Variants in ADAMTS9 observed in about 807,000 individuals in gnomAD.
The protein encoded by ADAMTS9 is A disintegrin and metalloproteinase with thrombospondin motifs 9.
In ADAMTS9, 107 loss-of-function variants were observed where a neutral mutation model predicts 257.1. The ratio of observed to expected loss-of-function variants is 0.42; its 90% confidence interval spans 0.36 to 0.49. The LOEUF (loss-of-function observed/expected upper bound fraction) is 0.49, where lower values mean the gene tolerates loss of function less well. Ranked by LOEUF, ADAMTS9 falls within the 20% of genes least tolerant of loss-of-function variation. ADAMTS9 has a pLI of 0.03. For synonymous variants in ADAMTS9, 982 were observed against 880.9 expected, an observed-to-expected ratio of 1.11 and a Z score of -2.03; for missense variants, 2,353 against 2,469.1, an observed-to-expected ratio of 0.95 and a Z score of 1.00.
chr3:64,524,671 C>T (rs4688473), intron 38 of ADAMTS9, among the ~76,000 whole-genome samples: 102,728 of 152,108 alleles, frequency 0.68, 39,179 homozygotes, highest in Non-Finnish European at 0.86. Context: ...TCTCTCTTGA[C>T]ATACAAATAT....
chr3:64,622,392 G>A (rs527951204), intron 17 of ADAMTS9, 28 bp downstream of exon 17: 22 of 1,613,032 alleles, frequency 1.4e-5, no homozygotes, highest in Non-Finnish European at 1.7e-5. Context: ...AGAAGAAAAG[G>A]GTGGTGGGCT....
intron 3 of ADAMTS9, among the ~76,000 whole-genome samples, chr3:64,677,246 C>A (rs760048006): frequency 6.6e-6 from 1 of 152,090 alleles, no homozygotes; most frequent in Admixed American, 6.5e-5. Context: ...GGAGAGAAGA[C>A]ACCCCACTTC....
At chr3:64,559,756 G>A (rs986977245) in intron 30 of ADAMTS9, among the ~76,000 whole-genome samples, 1 of 152,224 alleles carries the variant, frequency 6.6e-6, no homozygotes, top group African/African-American at 2.4e-5. Flanking sequence ...TCCATTCTTC[G>A]GGATGCAAAA....
At chr3:64,603,860 A>T in intron 25 of ADAMTS9, 62 bp downstream of exon 25, 3 of 1,547,356 alleles carry the variant, frequency 1.9e-6, no homozygotes, top group Non-Finnish European at 2.6e-6. Context: ...CCCTCCGCTG[A>T]CTCCTCATAG....
Position 64,648,020 on chromosome 3 carries a change from T to C in ADAMTS9, c.1630A>G (p.Asn544Asp). ...CCTTTGTGTACTCCATTGACGTTATTGCACCAGAGCCGTCTGCACTGCATC... is the reference window on the plus strand; with the variant it reads ...CCTTTGTGTACTCCATTGACGTTATCGCACCAGAGCCGTCTGCACTGCATC... The part of the protein sequence containing the change: ...YMMQCRRLWC[N>D]NVNGVHKGCR... The change falls in exon 11 of 40, where the codon AAT becomes GAT. Residue 544 changes from asparagine to aspartate, a missense_variant. This residue lies in a region of ADAMTS9 where 360 missense variants were observed against 458.1 expected (regional missense o/e 0.79). Coordinates refer to ENST00000498707, the MANE Select transcript of ADAMTS9 (RefSeq NM_182920.2). 10 of 1,613,232 alleles carry C rather than the reference T, an allele frequency of 6.2e-6. No individual in the cohort carries two copies. Among genetic ancestry groups the C allele is most frequent in the Non-Finnish European group, 8.5e-6 (10 of 1,179,936 alleles).
In ADAMTS9 at chr3:64,641,734, C is replaced by T. The variant is rs984674941; in HGVS notation, c.1856+114G>A. 75 of 1,387,154 alleles carry T rather than the reference C, an allele frequency of 5.4e-5. 1 individual carries two copies. The African/African-American group carries it at 6.9e-4, about 13-fold the overall frequency. 85.9% of individuals were successfully genotyped at this position (1,387,154 alleles called of 1,614,324 possible). Reference sequence around the variant, plus strand: ...GGGTCTAAGCAGCCCTTGAAGTTTACGTTCTTTCTAGCTCTCTAAGTTGGA... The same window carrying T: ...GGGTCTAAGCAGCCCTTGAAGTTTATGTTCTTTCTAGCTCTCTAAGTTGGA... On this transcript the variant is annotated intron_variant, in intron 12 of 39. Transcript: ENST00000498707.
At chr3:64,541,060 C>A in intron 36 of ADAMTS9, 35 bp downstream of exon 36, 7 of 1,611,280 alleles carry the variant, frequency 4.3e-6, no homozygotes, top group Non-Finnish European at 5.9e-6. Context: ...GAGAGAAGAA[C>A]GCACACGTTC....
At chr3:64,650,845 G>A in intron 9 of ADAMTS9, 172 bp downstream of exon 9, 1 of 625,948 alleles carries the variant, frequency 1.6e-6, no homozygotes. Flanking sequence ...TCAAGGATAT[G>A]AACTACACAG....
Position 64,596,942 on chromosome 3 carries a change from T to C in ADAMTS9, c.4067A>G (p.Gln1356Arg), listed in dbSNP as rs1277673854. The change falls in exon 27 of 40, where the codon CAG (glutamine) becomes CGG (arginine). Residue 1356 changes from glutamine to arginine, a missense_variant. Physicochemically the swap from Gln to Arg is conservative, Grantham distance 43. Transcript: ENST00000498707. The part of the protein sequence containing the change: ...GGSQRRVVVC[Q>R]DENGYTANDC... ...GTTTGCGGTGTATCCATTTTCATCCTGACATACAACAACACGCCGCTGGGA... is the reference window on the plus strand; with the variant it reads ...GTTTGCGGTGTATCCATTTTCATCCCGACATACAACAACACGCCGCTGGGA... 3 of 1,612,592 alleles carry C rather than the reference T, an allele frequency of 1.9e-6. No homozygotes were observed. The highest frequency in any genetic ancestry group is 2.7e-5 in the African/African-American group (2 of 74,770).
chr3:64,578,531 C>T (rs2083915002), intron 28 of ADAMTS9, among the ~76,000 whole-genome samples: 1 of 152,084 alleles, frequency 6.6e-6, no homozygotes, highest in Admixed American at 6.6e-5. Flanking sequence ...GACAGTCAGA[C>T]CTGGTCTGAC....
intron 26 of ADAMTS9, among the ~76,000 whole-genome samples, chr3:64,599,695 C>T (rs188534487): frequency 6.6e-6 from 1 of 152,206 alleles, no homozygotes; most frequent in African/African-American, 2.4e-5. Context: ...GACAGAAACT[C>T]TCTAAAGAAA....
chr3:64,590,715 A>G (rs1252393616), intron 28 of ADAMTS9, among the ~76,000 whole-genome samples: 6 of 152,338 alleles, frequency 3.9e-5, no homozygotes, highest in Admixed American at 3.9e-4. Context: ...GGCAGAAACA[A>G]AAGCACAATT....
intron 22 of ADAMTS9, among the ~76,000 whole-genome samples, chr3:64,611,642 G>A (rs1469797183): frequency 1.3e-5 from 2 of 152,142 alleles, no homozygotes; most frequent in East Asian, 1.9e-4. Context: ...CTCATAAGGA[G>A]TTCACAACCT....
At chr3:64,672,213 A>G (rs1465648805) in intron 3 of ADAMTS9, among the ~76,000 whole-genome samples, 1 of 152,184 alleles carries the variant, frequency 6.6e-6, no homozygotes, top group East Asian at 1.9e-4. Context: ...TGAACACATT[A>G]TCAAGTATTC....
chr3:64,638,953 G>A (rs891766440), intron 12 of ADAMTS9, among the ~76,000 whole-genome samples: 9 of 152,076 alleles, frequency 5.9e-5, no homozygotes, highest in Non-Finnish European at 8.8e-5. Context: ...CCATTATATT[G>A]TAAGGGCTCG....
chr3:64,656,015 TCAA>T (rs1241492150), intron 4 of ADAMTS9, 140 bp from the exon 5 acceptor site: 3 of 558,332 alleles, frequency 5.4e-6, no homozygotes, highest in East Asian at 5.9e-5. Flanking sequence ...TTTCATTCAC[TCAA>T]CAACACTTTT....
intron 28 of ADAMTS9, chr3:64,587,639 G>T (rs1486508158): frequency 6.6e-6 from 1 of 152,066 alleles, no homozygotes. Context: ...AGAGAAAGGG[G>T]ATGCAGATCT....
Position 64,658,729 on chromosome 3 carries a change from T to C in ADAMTS9, c.742A>G (p.Ile248Val). ...KTRARKWGER[I>V]NLAGDVAALN... The stretch of plus-strand genomic sequence containing the variant: ...GCTGCTACGTCACCAGCCAGGTTAA[T>C]CCTTTCTCCCCATTTTCTTGCTCTG... The change falls in exon 4 of 40, where the codon ATT becomes GTT. Residue 248 changes from isoleucine (I) to valine (V), a missense_variant. This residue lies in a region of ADAMTS9 where 591 missense variants were observed against 569.6 expected (regional missense o/e 1.04). Coordinates refer to ENST00000498707, the MANE Select transcript of ADAMTS9 (RefSeq NM_182920.2). 1 of 1,614,210 alleles carries C rather than the reference T, an allele frequency of 6.2e-7. No individual in the cohort carries two copies. Among genetic ancestry groups the C allele is most frequent in the African/African-American group, 1.3e-5 (1 of 75,062 alleles).
At chr3:64,635,495 G>C (rs533152285) in intron 12 of ADAMTS9, among the ~76,000 whole-genome samples, 1 of 152,212 alleles carries the variant, frequency 6.6e-6, no homozygotes, top group Non-Finnish European at 1.5e-5. Flanking sequence ...GTCTACGTCT[G>C]TCTGTTTCTG....
Sources: allele counts gnomAD v4.1 joint callset (sites outside exome capture counted in the v4.1 genomes callset), GRCh38; gene constraint gnomAD v4.1.1; regional missense constraint gnomAD v4.1.1; transcripts MANE v1.5; gene names NCBI Gene and HGNC (gene_info 2026-07-23, HGNC 2026-07-21).